Variants in CADM1 observed in about 807,000 individuals in gnomAD.
CADM1 encodes cell adhesion molecule 1.
A neutral mutation model predicts 53.1 loss-of-function variants in CADM1; 15 were observed. The observed-to-expected ratio is 0.28, with a 90% confidence interval of 0.19 to 0.44. CADM1 has a LOEUF of 0.44. Among genes scored for constraint, CADM1 ranks in the 20% least tolerant of loss-of-function variants. The pLI, the probability that CADM1 is intolerant of heterozygous loss-of-function variation, is 1.00. For missense variants in CADM1, 434 were observed against 611.3 expected, an observed-to-expected ratio of 0.71 and a Z score of 3.06; for synonymous variants, 281 against 243.0, an observed-to-expected ratio of 1.16 and a Z score of -1.45.
intron 1 of CADM1, chr11:115,396,631 G>C (rs1286718818): frequency 1.3e-5 from 2 of 152,124 alleles, no homozygotes; most frequent in Non-Finnish European, 1.5e-5. Context: ...ATTTTCCACT[G>C]CTTCTGTCCT....
intron 1 of CADM1, among the ~76,000 whole-genome samples, chr11:115,393,888 G>A (rs1265887086): frequency 6.6e-6 from 1 of 151,946 alleles, no homozygotes; most frequent in Non-Finnish European, 1.5e-5. Context: ...CAAATACAGA[G>A]TCACCGACCA....
intron 1 of CADM1, among the ~76,000 whole-genome samples, chr11:115,464,612 C>T (rs1325876048): frequency 1.3e-5 from 2 of 152,174 alleles, no homozygotes; most frequent in African/African-American, 4.8e-5. Flanking sequence ...TTTACAGAAA[C>T]CAGTGTAAAG....
intron 1 of CADM1, among the ~76,000 whole-genome samples, chr11:115,480,986 C>T (rs1336176664): frequency 6.6e-6 from 1 of 152,054 alleles, no homozygotes; most frequent in African/African-American, 2.4e-5. Context: ...TCAACTCTCA[C>T]TTTCCTATTT....
At chr11:115,317,791 T>C (rs529991948) in intron 1 of CADM1, among the ~76,000 whole-genome samples, 7 of 152,196 alleles carry the variant, frequency 4.6e-5, no homozygotes, top group Non-Finnish European at 8.8e-5. Flanking sequence ...ACAGTGGTAA[T>C]TGCAAAATTA....
chr11:115,357,148 G>A (rs1945895373), intron 1 of CADM1, among the ~76,000 whole-genome samples: 2 of 151,994 alleles, frequency 1.3e-5, no homozygotes, highest in Non-Finnish European at 2.9e-5. Flanking sequence ...ATGTCCCTCG[G>A]GCCTTTCAGG....
At chr11:115,196,510 A>G in intron 9 of CADM1, among the ~76,000 whole-genome samples, 1 of 149,066 alleles carries the variant, frequency 6.7e-6, no homozygotes, top group Middle Eastern at 3.6e-3. Context: ...AGGGGTGTCC[A>G]ATCTTTTAGC....
intron 1 of CADM1, among the ~76,000 whole-genome samples, chr11:115,404,343 AAAAATATATATATATATATATATATAT>A (rs1435700713): frequency 7.5e-5 from 3 of 39,880 alleles, no homozygotes; most frequent in African/African-American, 2.5e-4. Flanking sequence ...AAAAAAAAAA[AAAAATATATATATATATATATATATAT>A]ATATATATAT....
At chr11:115,254,198 G>A (rs1269367902) in intron 1 of CADM1, among the ~76,000 whole-genome samples, 1 of 152,036 alleles carries the variant, frequency 6.6e-6, no homozygotes, top group Non-Finnish European at 1.5e-5. Context: ...TGGCTAAGAG[G>A]GCGAATGTTA....
At chr11:115,454,705 A>G (rs1948646738) in intron 1 of CADM1, among the ~76,000 whole-genome samples, 1 of 152,202 alleles carries the variant, frequency 6.6e-6, no homozygotes, top group Non-Finnish European at 1.5e-5. Context: ...TCTCCCATCC[A>G]TGGGCAAGGT....
At chr11:115,451,752 G>A (rs1216693449) in intron 1 of CADM1, among the ~76,000 whole-genome samples, 1 of 152,124 alleles carries the variant, frequency 6.6e-6, no homozygotes, top group Non-Finnish European at 1.5e-5. Flanking sequence ...AGGCATATAA[G>A]AGGAGGTTCC....
intron 1 of CADM1, among the ~76,000 whole-genome samples, chr11:115,354,871 A>G (rs1467534575): frequency 1.3e-5 from 2 of 152,162 alleles, no homozygotes; most frequent in Admixed American, 1.3e-4. Context: ...TAACTTAATT[A>G]TAAGATTTTA....
intron 1 of CADM1, among the ~76,000 whole-genome samples, chr11:115,288,767 CT>C (rs1943798505): frequency 1.3e-5 from 2 of 152,202 alleles, no homozygotes; most frequent in African/African-American, 2.4e-5. Context: ...ATTTACTTCA[CT>C]GCAATTGCCT....
chr11:115,429,574 T>C (rs979670475), intron 1 of CADM1, among the ~76,000 whole-genome samples: 18 of 147,370 alleles, frequency 1.2e-4, no homozygotes, highest in African/African-American at 4.3e-4. Context: ...CGCTCCAGCC[T>C]GGGCACAAGA....
At chr11:115,381,498 G>A (rs1399886802) in intron 1 of CADM1, among the ~76,000 whole-genome samples, 1 of 152,082 alleles carries the variant, frequency 6.6e-6, no homozygotes, top group African/African-American at 2.4e-5. Context: ...AACAGTACAA[G>A]CTTTGAAATC....
chr11:115,428,942 C>A (rs570241119), intron 1 of CADM1, among the ~76,000 whole-genome samples: 1 of 152,142 alleles, frequency 6.6e-6, no homozygotes, highest in Non-Finnish European at 1.5e-5. Context: ...TAACATCTCA[C>A]GTTTGAGGCC....
intron 1 of CADM1, among the ~76,000 whole-genome samples, chr11:115,258,591 C>A (rs953058983): frequency 6.6e-6 from 1 of 152,172 alleles, no homozygotes. Flanking sequence ...TAGAGCCAGG[C>A]CCAGAGTCCA....
chr11:115,192,723 G>A (rs983983714), intron 9 of CADM1, among the ~76,000 whole-genome samples: 15 of 152,170 alleles, frequency 9.9e-5, no homozygotes, highest in South Asian at 2.1e-4. Flanking sequence ...TTATTTCCTC[G>A]GGGAGGGCAT....
chr11:115,224,257 T>C (rs1941516636), intron 5 of CADM1, among the ~76,000 whole-genome samples: 7 of 151,498 alleles, frequency 4.6e-5, no homozygotes, highest in Admixed American at 4.6e-4. Context: ...ATCTCCTCAA[T>C]GCCCAATTTT....
At chr11:115,330,672 G>C (rs1017490601) in intron 1 of CADM1, among the ~76,000 whole-genome samples, 1 of 152,154 alleles carries the variant, frequency 6.6e-6, no homozygotes, top group Non-Finnish European at 1.5e-5. Context: ...CCCTCATGGA[G>C]CTCAGTCTAA....
Sources: gnomAD v4.1 joint callset for allele counts (sites outside exome capture counted in the v4.1 genomes callset) on GRCh38, gnomAD v4.1.1 for gene constraint, MANE v1.5 for transcripts, NCBI Gene and HGNC (gene_info 2026-07-23, HGNC 2026-07-21) for gene names.